RPGRIP1: variants seen among roughly 807,000 people sequenced by gnomAD.
RPGRIP1 encodes the protein X-linked retinitis pigmentosa GTPase regulator-interacting protein 1.
In RPGRIP1, 128 loss-of-function variants were observed where a neutral mutation model predicts 157.9. The observed-to-expected ratio is 0.81, with a 90% CI of 0.70 to 0.94. RPGRIP1 has a LOEUF of 0.94. Ranked by LOEUF, RPGRIP1 falls within the 40% of genes least tolerant of loss-of-function variation. The pLI is 0.00. For missense variants in RPGRIP1, 1,486 were observed against 1,545.8 expected (o/e 0.96, Z 0.65); for synonymous variants, 554 against 571.6 (o/e 0.97, Z 0.44).
At chr14:21,334,323 T>G (rs1043958673) in intron 20 of RPGRIP1, among the ~76,000 whole-genome samples, 2 of 152,106 alleles carry the variant, frequency 1.3e-5, no homozygotes, top group Non-Finnish European at 2.9e-5. Flanking sequence ...ACTTCCTTTC[T>G]TCCTTCCTTA....
intron 24 of RPGRIP1, 98 bp from the exon 25 acceptor site, chr14:21,351,006 T>C: frequency 6.2e-6 from 4 of 647,466 alleles, no homozygotes; most frequent in Non-Finnish European, 1.1e-5. Context: ...ATGAAATGGG[T>C]AATTTCATTC....
intron 21 of RPGRIP1, 115 bp from the exon 22 acceptor site, chr14:21,342,921 T>C: frequency 4.3e-6 from 3 of 702,068 alleles, no homozygotes; most frequent in Non-Finnish European, 4.7e-6. Flanking sequence ...ATATAGTAGA[T>C]AGATTATACC....
intron 6 of RPGRIP1, among the ~76,000 whole-genome samples, chr14:21,305,843 A>T (rs571712824): frequency 6.6e-6 from 1 of 152,308 alleles, no homozygotes; most frequent in Non-Finnish European, 1.5e-5. Flanking sequence ...CCTGGGCAAC[A>T]GAGCAAGACT....
chr14:21,320,132 ACCAGCCACTCAC>A lies in RPGRIP1; in HGVS notation c.1428_1439del (p.Thr477_Ala480del). On this transcript the variant is annotated inframe_deletion, in exon 12 of 25. Coordinates refer to ENST00000400017, the MANE Select transcript of RPGRIP1 (RefSeq NM_020366.4). ...CCCAACCTCCTGACAGGCAATCTGA[ACCAGCCACTCAC>A]CCAGCTGTATTGCAAGAGAACACTC... The A allele has an allele frequency of 6.2e-7, 1 of 1,607,712 alleles. No individual in the cohort carries two copies. The highest frequency in any genetic ancestry group is 1.7e-4 in the Middle Eastern group (1 of 6,020).
At chr14:21,318,014 A>G (rs1382844948) in intron 11 of RPGRIP1, 164 bp downstream of exon 11, 8 of 709,268 alleles carry the variant, frequency 1.1e-5, no homozygotes, top group Non-Finnish European at 2.0e-5. Context: ...CAGATCTACA[A>G]TCAGGAAAAC....
intron 11 of RPGRIP1, chr14:21,318,062 T>C: frequency 1.4e-6 from 1 of 692,712 alleles, no homozygotes; most frequent in East Asian, 2.7e-5. Context: ...CTTTTTCCTA[T>C]ATAATGTCTT....
chr14:21,311,798 C>G, intron 8 of RPGRIP1, 26 bp from the exon 9 acceptor site: 8 of 1,582,996 alleles, frequency 5.1e-6, no homozygotes, highest in Non-Finnish European at 6.0e-6. Flanking sequence ...ATGACCATTC[C>G]CAGAGGTACT....
Position 21,280,139 on chromosome 14 carries a change from T to TA in RPGRIP1, c.-58dup, listed in dbSNP as rs1029699003. The stretch of plus-strand genomic sequence containing the variant: ...TTGAGAGAAAAGAATTAGCGACAGC[T>TA]ATCTGGAGCAAGCAAGAACTGTAAG... On this transcript the variant is annotated 5_prime_UTR_variant, in exon 1 of 25. Transcript: ENST00000400017. Among the ~76,000 whole-genome samples the TA allele has an allele frequency of 2.2e-4, 34 of 152,234 alleles. No individual in the cohort carries two copies. The highest frequency in any genetic ancestry group is 8.2e-4 in the African/African-American group (34 of 41,538).
intron 17 of RPGRIP1, 105 bp from the exon 18 acceptor site, chr14:21,327,518 A>G: frequency 1.1e-6 from 1 of 901,960 alleles, no homozygotes; most frequent in Middle Eastern, 2.6e-4. Context: ...TTGCTGATAA[A>G]ATATGTTGAA....
chr14:21,301,784 G>C (rs1192183664), intron 4 of RPGRIP1, among the ~76,000 whole-genome samples: 3 of 150,906 alleles, frequency 2.0e-5, no homozygotes, highest in African/African-American at 7.3e-5. Flanking sequence ...AAGCTGATGT[G>C]GGAGGATCGC....
At chr14:21,317,502 T>C in intron 10 of RPGRIP1, 194 bp from the exon 11 acceptor site, 1 of 1,392,008 alleles carries the variant, frequency 7.2e-7, no homozygotes, top group Non-Finnish European at 9.6e-7. Flanking sequence ...GAAATGGTAC[T>C]GAGCAATAAC....
chr14:21,289,189 G>C (rs10152076), intron 2 of RPGRIP1, among the ~76,000 whole-genome samples: 3 of 152,062 alleles, frequency 2.0e-5, no homozygotes, highest in South Asian at 4.2e-4. Context: ...TTAGCTGGGC[G>C]TTGTGGCGGG....
intron 6 of RPGRIP1, among the ~76,000 whole-genome samples, chr14:21,306,375 C>T (rs901265309): frequency 2.6e-5 from 4 of 151,398 alleles, no homozygotes; most frequent in South Asian, 2.1e-4. Flanking sequence ...TCAGGTGATT[C>T]GCCTTCCTCG....
At chr14:21,350,884 T>A (rs577812012) in intron 24 of RPGRIP1, among the ~76,000 whole-genome samples, 2 of 146,114 alleles carry the variant, frequency 1.4e-5, no homozygotes, top group South Asian at 4.1e-4. Flanking sequence ...AATTTGTCCA[T>A]TCTGGTGCAG....
Position 21,298,069 on chromosome 14 carries a change from ATGTTTGGTATTTTGTGGG to A in RPGRIP1, c.219-2894_219-2877del, listed in dbSNP as rs1166712570. Among the ~76,000 whole-genome samples the A allele has an allele frequency of 2.0e-5, 3 of 151,950 alleles. No homozygotes were observed. The Admixed American group carries it at 2.0e-4, about 10-fold the overall frequency. ...CACTCATATTAACCTGGAGAGAAGG[ATGTTTGGTATTTTGTGGG>A]TGGCAGTGACACTAATTTTGTCTGT... On this transcript the variant is annotated intron_variant, in intron 3 of 24. Transcript: ENST00000400017.
intron 21 of RPGRIP1, among the ~76,000 whole-genome samples, chr14:21,339,172 G>A (rs959261736): frequency 2.0e-5 from 3 of 151,934 alleles, no homozygotes; most frequent in Non-Finnish European, 4.4e-5. Flanking sequence ...AACTAGGCAG[G>A]TGTGGTGGCT....
In RPGRIP1 at chr14:21,307,825, G is replaced by A. The variant is rs550626567; in HGVS notation, c.895G>A (p.Glu299Lys). ...GGTTATGACAAAAGCACAATTAACA[G>A]AAGTTCAAGAGGTGAGTTGCCATCA... ...SLVMTKAQLT[E>K]VQEAYETLLQ... Residue 299 changes from glutamate (E) to lysine (K), a missense_variant, in exon 7 of 25, where the codon GAA becomes AAA. Glu to Lys is a moderately conservative substitution (Grantham distance 56, BLOSUM62 1). Transcript: ENST00000400017. 106 of 1,555,830 alleles carry A rather than the reference G, an allele frequency of 6.8e-5. No homozygotes were observed. In the South Asian group the frequency reaches 1.1e-3, roughly 17 times the overall value.
intron 16 of RPGRIP1, 123 bp downstream of exon 16, chr14:21,325,506 AC>A: frequency 1.1e-6 from 1 of 952,024 alleles, no homozygotes; most frequent in Non-Finnish European, 1.6e-6. Flanking sequence ...AAACTGTCAC[AC>A]CACAACTAGT....
At chr14:21,308,683 A>G (rs1186586773) in intron 7 of RPGRIP1, among the ~76,000 whole-genome samples, 1 of 152,206 alleles carries the variant, frequency 6.6e-6, no homozygotes, top group African/African-American at 2.4e-5. Context: ...GCAAGAAACA[A>G]GGGAGAAGAA....
Sources: gnomAD v4.1 joint callset for allele counts (sites outside exome capture counted in the v4.1 genomes callset) on GRCh38, gnomAD v4.1.1 for gene constraint, MANE v1.5 for transcripts, NCBI Gene and HGNC (gene_info 2026-07-23, HGNC 2026-07-21) for gene names.